Variants in RAB33B observed in about 807,000 individuals in gnomAD.
The protein encoded by RAB33B is RAB33B, member RAS oncogene family, also known as ras-related protein Rab-33B.
A neutral mutation model predicts 15.0 loss-of-function variants in RAB33B; 6 were observed. That is an observed-to-expected ratio of 0.40 (90% CI 0.22 to 0.79). The LOEUF is 0.79. Among genes scored for constraint, RAB33B ranks in the 30% least tolerant of loss-of-function variants. RAB33B has a pLI of 0.37. For missense variants in RAB33B, 257 were observed against 296.4 expected, an observed-to-expected ratio of 0.87 and a Z score of 0.98; for synonymous variants, 117 against 108.3, an observed-to-expected ratio of 1.08 and a Z score of -0.50.
At chr4:139,465,327 C>A (rs1420674782) in intron 1 of RAB33B, among the ~76,000 whole-genome samples, 1 of 152,154 alleles carries the variant, frequency 6.6e-6, no homozygotes, top group Non-Finnish European at 1.5e-5. Flanking sequence ...AATTTTCTCT[C>A]ATTCTGTAGG....
chr4:139,457,893 A>T (rs1380157085), intron 1 of RAB33B, among the ~76,000 whole-genome samples: 1 of 152,108 alleles, frequency 6.6e-6, no homozygotes, highest in Non-Finnish European at 1.5e-5. Flanking sequence ...CTCTGAGTCC[A>T]ATTGGTTTTC....
chr4:139,446,099 G>A, the RAB33B span, among the ~76,000 whole-genome samples: 2 of 152,090 alleles, frequency 1.3e-5, no homozygotes, highest in Non-Finnish European at 2.9e-5. Context: ...TGGTATATAC[G>A]TGATCAGGCT....
At chr4:139,439,821 T>A in the RAB33B span, among the ~76,000 whole-genome samples, 3 of 152,204 alleles carry the variant, frequency 2.0e-5, no homozygotes, top group African/African-American at 7.2e-5. Flanking sequence ...ATCCCTCTTG[T>A]GAATTTTTAA....
the RAB33B span, among the ~76,000 whole-genome samples, chr4:139,440,483 T>C: frequency 6.6e-6 from 1 of 152,110 alleles, no homozygotes; most frequent in African/African-American, 2.4e-5. Flanking sequence ...TTGAGGACAA[T>C]GTACTTTTTG....
At chr4:139,466,420 T>C (rs1429669581) in intron 1 of RAB33B, among the ~76,000 whole-genome samples, 2 of 152,202 alleles carry the variant, frequency 1.3e-5, no homozygotes, top group Non-Finnish European at 2.9e-5. Context: ...TTTTCATTGA[T>C]GAAGTGATGC....
chr4:139,467,406 T>G (rs1313509339), intron 1 of RAB33B, among the ~76,000 whole-genome samples: 1 of 136,534 alleles, frequency 7.3e-6, no homozygotes, highest in African/African-American at 2.7e-5. Flanking sequence ...TGGAACAACA[T>G]TTTGATTTTT....
intron 1 of RAB33B, among the ~76,000 whole-genome samples, chr4:139,464,395 T>TG (rs1168644648): frequency 4.8e-5 from 7 of 145,872 alleles, no homozygotes; most frequent in Non-Finnish European, 7.5e-5. Flanking sequence ...TGTTTTTTTT[T>TG]TTTTTTTTTT....
chr4:139,446,210 G>A, the RAB33B span, among the ~76,000 whole-genome samples: 5 of 152,272 alleles, frequency 3.3e-5, no homozygotes, highest in South Asian at 2.1e-4. Flanking sequence ...AGCCTGCACC[G>A]ATGGCCTCAT....
chr4:139,467,857 C>CAAA (rs56069233), intron 1 of RAB33B, among the ~76,000 whole-genome samples: 5 of 134,868 alleles, frequency 3.7e-5, no homozygotes, highest in South Asian at 4.8e-4. Flanking sequence ...TGTCCTGTCT[C>CAAA]AAAAAAAAAA....
rs1289459041 is a variant in RAB33B, at chr4:139,472,779, G to T, written c.343G>T (p.Asp115Tyr). The change falls in exon 2 of 2, where the codon GAT (aspartate) becomes TAT (tyrosine). Residue 115 changes from aspartate (D) to tyrosine (Y), a missense_variant. Transcript: ENST00000305626. ...RNVHAVVFVYDMTNMASFHSL... is the reference protein window; with the variant it reads ...RNVHAVVFVYYMTNMASFHSL... The stretch of plus-strand genomic sequence containing the variant: ...TGTACATGCTGTTGTCTTCGTGTAT[G>T]ATATGACCAACATGGCTAGTTTTCA... The T allele has an allele frequency of 6.2e-7, 1 of 1,614,056 alleles. No individual in the cohort carries two copies. The highest frequency in any genetic ancestry group is 1.1e-5 in the South Asian group (1 of 91,086).
intron 1 of RAB33B, among the ~76,000 whole-genome samples, chr4:139,461,831 G>T (rs1167796892): frequency 6.6e-6 from 1 of 151,652 alleles, no homozygotes; most frequent in African/African-American, 2.4e-5. Context: ...TTGAACCTGG[G>T]AGGCAGAGGT....
Position 139,476,007 on chromosome 4 carries a change from A to G in RAB33B, c.*2881A>G, listed in dbSNP as rs1018740770. On this transcript the variant is annotated 3_prime_UTR_variant, in exon 2 of 2. Transcript: ENST00000305626. The stretch of plus-strand genomic sequence containing the variant: ...CTGGTTTCCAGATAATATTATATAT[A>G]TGATACACTTTTGAAAACAACAAAA... 1 of 152,184 alleles carries G rather than the reference A, an allele frequency of 6.6e-6. No homozygotes were observed. The highest frequency in any genetic ancestry group is 1.5e-5 in the Non-Finnish European group (1 of 68,034). The allele number at this position is 152,184 out of a possible 1,614,324, so 9.4% of individuals were successfully genotyped here.
At chr4:139,462,664 T>C (rs376257543) in intron 1 of RAB33B, among the ~76,000 whole-genome samples, 1 of 152,332 alleles carries the variant, frequency 6.6e-6, no homozygotes, top group East Asian at 1.9e-4. Context: ...AGTAGAAATG[T>C]GTGTGTCTGG....
chr4:139,469,404 T>C (rs2111084330), intron 1 of RAB33B, among the ~76,000 whole-genome samples: 1 of 152,350 alleles, frequency 6.6e-6, no homozygotes, highest in Non-Finnish European at 1.5e-5. Context: ...GTATTCTGAA[T>C]TCCTTCTCTG....
chr4:139,469,857 C>T (rs1157075588), intron 1 of RAB33B, among the ~76,000 whole-genome samples: 3 of 152,216 alleles, frequency 2.0e-5, no homozygotes, highest in African/African-American at 7.2e-5. Context: ...CAGAGTCTCT[C>T]TTTGTCTCTC....
rs994439463 is a variant in RAB33B at position 139,473,285 on chromosome 4, G to A, written c.*159G>A. The A allele has an allele frequency of 7.2e-6, 5 of 695,568 alleles. No individual in the cohort carries two copies. In the African/African-American group the frequency reaches 9.0e-5, roughly 12 times the overall value. 43.1% of individuals were successfully genotyped at this position (695,568 alleles called of 1,614,324 possible). On this transcript the variant is annotated 3_prime_UTR_variant, in exon 2 of 2. Coordinates refer to ENST00000305626, the MANE Select transcript of RAB33B (RefSeq NM_031296.3). The stretch of plus-strand genomic sequence containing the variant: ...TTGTATTTTGTATCTACTTAAGTTT[G>A]TCACTGTGACAACACAGGAAAAGTT...
At position 139,472,856 on chromosome 4, in the gene RAB33B, T is replaced by C; in HGVS notation, c.420T>C (p.Asp140=). The change falls in exon 2 of 2, where the codon GAT becomes GAC. Residue 140 remains aspartate, a synonymous_variant. Transcript: ENST00000305626. The part of the protein sequence containing the change: ...EECKQHLLAN[D]IPRILVGNKC... ...GCAAACAACATTTGCTAGCCAATGATATACCACGGATTCTTGTTGGAAATA... is the reference window on the plus strand; with the variant it reads ...GCAAACAACATTTGCTAGCCAATGACATACCACGGATTCTTGTTGGAAATA... 1 of 1,614,214 alleles carries C rather than the reference T, an allele frequency of 6.2e-7. No homozygotes were observed. The highest frequency in any genetic ancestry group is 1.7e-5 in the Admixed American group (1 of 60,006).
intron 1 of RAB33B, among the ~76,000 whole-genome samples, chr4:139,462,084 C>T (rs1381791010): frequency 1.5e-5 from 2 of 135,880 alleles, no homozygotes; most frequent in Non-Finnish European, 1.5e-5. Flanking sequence ...GACGGAGTCT[C>T]GCTCTGTCGC....
At chr4:139,464,384 C>CTGTTTTT (rs1750234052) in intron 1 of RAB33B, among the ~76,000 whole-genome samples, 2 of 69,542 alleles carry the variant, frequency 2.9e-5, no homozygotes, top group Non-Finnish European at 6.3e-5. Context: ...AAGAGGAATA[C>CTGTTTTT]TGTTTTTTTT....
Sources: gnomAD v4.1 joint callset for allele counts (sites outside exome capture counted in the v4.1 genomes callset) on GRCh38, gnomAD v4.1.1 for gene constraint, MANE v1.5 for transcripts, NCBI Gene and HGNC (gene_info 2026-07-23, HGNC 2026-07-21) for gene names.